The following MECOM variants were observed in gnomAD, a reference collection of about 807,000 sequenced individuals.
MECOM encodes histone-lysine N-methyltransferase MECOM.
MECOM carries 13 observed loss-of-function variants against 116.3 expected under a neutral mutation model. The observed-to-expected ratio is 0.11, with a 90% CI of 0.07 to 0.18. The LOEUF is 0.18. Among genes scored for constraint, MECOM ranks in the 10% least tolerant of loss-of-function variants. The pLI, the probability that MECOM is intolerant of heterozygous loss-of-function variation, is 1.00. For synonymous variants in MECOM, 528 were observed against 535.2 expected (o/e 0.99, Z 0.19); for missense variants, 1,299 against 1,509.0 (o/e 0.86, Z 2.31).
At chr3:169,632,947 C>T (rs1772270106) in intron 1 of MECOM, among the ~76,000 whole-genome samples, 1 of 152,212 alleles carries the variant, frequency 6.6e-6, no homozygotes, top group South Asian at 2.1e-4. Flanking sequence ...CATTGTATCA[C>T]ACAACAGTGT....
chr3:169,176,780 A>G (rs886902427), intron 2 of MECOM, among the ~76,000 whole-genome samples: 1 of 152,180 alleles, frequency 6.6e-6, no homozygotes, highest in African/African-American at 2.4e-5. Flanking sequence ...AGAAAAAAAC[A>G]AACAACCCCA....
At position 169,093,146 on chromosome 3, in the gene MECOM, T is replaced by C. The variant is rs778443498; in HGVS notation, c.3020-44A>G. On this transcript the variant is annotated intron_variant, in intron 13 of 16. Coordinates refer to ENST00000651503, the MANE Select transcript of MECOM (RefSeq NM_004991.4). ...CTTTTATGACAAAGATTATTGTTTA[T>C]CTAGCAACTTATTTGGAAACTCACT... 1.4e-5 allele frequency: 21 copies of C among 1,537,342 alleles called. No homozygotes were observed. In the East Asian group the frequency reaches 1.6e-4, roughly 12 times the overall value.
At chr3:169,405,381 C>A (rs1391725488) in intron 1 of MECOM, among the ~76,000 whole-genome samples, 1 of 152,114 alleles carries the variant, frequency 6.6e-6, no homozygotes. Flanking sequence ...CTCAGATATG[C>A]ATAATGGAAT....
chr3:169,421,811 C>T (rs868590244), intron 1 of MECOM, among the ~76,000 whole-genome samples: 3 of 152,124 alleles, frequency 2.0e-5, no homozygotes, highest in Middle Eastern at 3.4e-3. Flanking sequence ...GCAACTTCCC[C>T]AGAAGGTAAG....
chr3:169,159,341 C>T (rs531684112), intron 2 of MECOM, among the ~76,000 whole-genome samples: 6 of 152,182 alleles, frequency 3.9e-5, no homozygotes, highest in African/African-American at 1.4e-4. Flanking sequence ...GGGCAGATCA[C>T]GAGGTCAGGA....
At chr3:169,155,882 G>A (rs1741888292) in intron 2 of MECOM, among the ~76,000 whole-genome samples, 1 of 152,116 alleles carries the variant, frequency 6.6e-6, no homozygotes, top group African/African-American at 2.4e-5. Flanking sequence ...GATCAAGTAG[G>A]CAAAGTGATA....
chr3:169,605,277 C>T (rs1422029896), intron 1 of MECOM, among the ~76,000 whole-genome samples: 1 of 152,206 alleles, frequency 6.6e-6, no homozygotes, highest in Non-Finnish European at 1.5e-5. Context: ...GAAAAACAAA[C>T]ACTTTCAGCT....
At chr3:169,435,285 T>G (rs143162792) in intron 1 of MECOM, among the ~76,000 whole-genome samples, 75 of 152,318 alleles carry the variant, frequency 4.9e-4, no homozygotes, top group Non-Finnish European at 9.6e-4. Flanking sequence ...GGGAAAACAT[T>G]TGTTCCCGTG....
chr3:169,356,529 A>G (rs896442429), intron 2 of MECOM, among the ~76,000 whole-genome samples: 6 of 151,936 alleles, frequency 3.9e-5, no homozygotes, highest in Non-Finnish European at 8.8e-5. Flanking sequence ...AGAGCCGAAC[A>G]TAAGACAAAA....
In MECOM at chr3:169,128,040, C is replaced by T. The variant is rs776737325; in HGVS notation, c.634G>A (p.Glu212Lys). The change falls in exon 5 of 17, where the codon GAA (glutamate) becomes AAA (lysine). Residue 212 changes from glutamate to lysine, a missense_variant. This residue lies in a region of MECOM where 374 missense variants were observed against 433.4 expected (regional missense o/e 0.86). Transcript: ENST00000651503. ...DIHEERQYRC[E>K]DCDQLFESKA... ...GATTCAAAGAGCTGGTCACAGTCTT[C>T]GCAGCGATATTGCCGTTCTTCTGTG... 140 of 1,613,850 alleles carry T rather than the reference C, an allele frequency of 8.7e-5. No individual in the cohort carries two copies. The highest frequency in any genetic ancestry group is 1.6e-4 in the Middle Eastern group (1 of 6,082).
At chr3:169,242,289 C>A (rs1290629057) in intron 2 of MECOM, among the ~76,000 whole-genome samples, 1 of 152,162 alleles carries the variant, frequency 6.6e-6, no homozygotes, top group Non-Finnish European at 1.5e-5. Flanking sequence ...ACAGGACTGC[C>A]TGCGGCAATC....
At chr3:169,284,865 T>C (rs1712943243) in intron 2 of MECOM, among the ~76,000 whole-genome samples, 1 of 152,144 alleles carries the variant, frequency 6.6e-6, no homozygotes, top group Non-Finnish European at 1.5e-5. Flanking sequence ...GTTTTACATG[T>C]ATATAAGACA....
At chr3:169,425,463 C>G (rs1403764842) in intron 1 of MECOM, among the ~76,000 whole-genome samples, 1 of 152,024 alleles carries the variant, frequency 6.6e-6, no homozygotes. Flanking sequence ...ATTCCATTTA[C>G]AGAAATAAGA....
At position 169,149,077 on chromosome 3, in the gene MECOM, C is replaced by CTT. The variant is rs60870748; in HGVS notation, c.376-5247_376-5246dup. The stretch of plus-strand genomic sequence containing the variant: ...TCAACTTGCCCATTGTCGGAGCTTT[C>CTT]TTTTTTTTTTTTTTTTTTTTAATTT... On this transcript the variant is annotated intron_variant, in intron 2 of 16. Transcript: ENST00000651503. 7.0e-3 allele frequency among the ~76,000 whole-genome samples: 808 copies of CTT among 115,084 alleles called. 4 individuals carry two copies. Among genetic ancestry groups the CTT allele is most frequent in the South Asian group, 0.024 (82 of 3,436 alleles). The allele number at this position is 115,084 out of a possible 152,430, so 75.5% of individuals were successfully genotyped here. A position where few individuals can be genotyped will look rare whatever the true frequency, so the allele number is the denominator to read the frequency against.
In MECOM at chr3:169,476,267, T is replaced by G. The variant is rs936316732; in HGVS notation, c.38-94743A>C. On this transcript the variant is annotated intron_variant, in intron 1 of 16. Transcript: ENST00000651503. The stretch of plus-strand genomic sequence containing the variant: ...ATAATGTATTACACAATTAGATTGA[T>G]TTGACAATTTCCATTATGCTTGATA... 7.2e-5 allele frequency among the ~76,000 whole-genome samples: 11 copies of G among 152,374 alleles called. No homozygotes were observed. The South Asian group carries it at 8.3e-4, about 11-fold the overall frequency.
chr3:169,305,384 G>A (rs1717480416), intron 2 of MECOM, among the ~76,000 whole-genome samples: 1 of 152,050 alleles, frequency 6.6e-6, no homozygotes, highest in Non-Finnish European at 1.5e-5. Context: ...ACGAGACAAG[G>A]ACTAATAAAT....
At chr3:169,425,969 T>C (rs1458737979) in intron 1 of MECOM, among the ~76,000 whole-genome samples, 3 of 152,186 alleles carry the variant, frequency 2.0e-5, no homozygotes, top group Non-Finnish European at 4.4e-5. Context: ...AGATAACACA[T>C]GGATAATGTG....
At chr3:169,528,898 C>T (rs1758256825) in intron 1 of MECOM, among the ~76,000 whole-genome samples, 1 of 152,188 alleles carries the variant, frequency 6.6e-6, no homozygotes, top group African/African-American at 2.4e-5. Context: ...GTACCTCTAA[C>T]ATTCGTTGTT....
chr3:169,645,006 G>A (rs978530987), intron 1 of MECOM, among the ~76,000 whole-genome samples: 11 of 152,146 alleles, frequency 7.2e-5, no homozygotes, highest in Non-Finnish European at 1.0e-4. Context: ...TTTCTCAACA[G>A]GGGCTGTTTC....
Sources: gnomAD v4.1 joint callset for allele counts (sites outside exome capture counted in the v4.1 genomes callset) on GRCh38, gnomAD v4.1.1 for gene constraint, gnomAD v4.1.1 regional missense constraint, MANE v1.5 for transcripts, NCBI Gene and HGNC (gene_info 2026-07-23, HGNC 2026-07-21) for gene names.